Variants in FILIP1L observed in about 807,000 individuals in gnomAD.
FILIP1L encodes the protein filamin A-interacting protein 1-like.
FILIP1L carries 55 observed loss-of-function variants against 96.6 expected under a neutral mutation model. That is an observed-to-expected ratio of 0.57 (90% CI 0.46 to 0.71). The LOEUF (loss-of-function observed/expected upper bound fraction) is 0.71, where lower values mean the gene tolerates loss of function less well. Ranked by LOEUF, FILIP1L falls within the 30% of genes least tolerant of loss-of-function variation. FILIP1L has a pLI of 0.00. For missense variants in FILIP1L, 1,304 were observed against 1,321.2 expected, an observed-to-expected ratio of 0.99 and a Z score of 0.20; for synonymous variants, 467 against 473.9, an observed-to-expected ratio of 0.99 and a Z score of 0.19.
Position 99,849,168 on chromosome 3 carries a change from C to G in FILIP1L, c.2508G>C (p.Glu836Asp). ...QLYEESENQD[E>D]DPNDEGSVLS... ...GCACAGATCCCTCATCATTAGGGTCCTCGTCTTGATTCTCACTCTCCTCAT... is the reference window on the plus strand; with the variant it reads ...GCACAGATCCCTCATCATTAGGGTCGTCGTCTTGATTCTCACTCTCCTCAT... Residue 836 changes from glutamate (E) to aspartate (D), a missense_variant, in exon 5 of 6, where the codon GAG becomes GAC. By Grantham distance (45) the Glu-to-Asp change is conservative (BLOSUM62 2). Transcript: ENST00000477258. The G allele has an allele frequency of 1.2e-6, 2 of 1,614,118 alleles. No homozygotes were observed. Among genetic ancestry groups the G allele is most frequent in the Non-Finnish European group, 8.5e-7 (1 of 1,180,002 alleles).
At chr3:99,852,188 A>G (rs1484642521) in intron 4 of FILIP1L, among the ~76,000 whole-genome samples, 1 of 152,216 alleles carries the variant, frequency 6.6e-6, no homozygotes, top group Non-Finnish European at 1.5e-5. Context: ...GGCTGATTAT[A>G]GAGGATGTAA....
In FILIP1L at chr3:99,829,218, C is replaced by T. The variant is rs1322551390; in HGVS notation, c.*1196G>A. Among the ~76,000 whole-genome samples, 1 of 118,572 alleles carries T rather than the reference C, an allele frequency of 8.4e-6. No homozygotes were observed. The highest frequency in any genetic ancestry group is 2.9e-5 in the African/African-American group (1 of 34,742). 77.8% of individuals were successfully genotyped at this position (118,572 alleles called of 152,430 possible). A position where few individuals can be genotyped will look rare whatever the true frequency, so the allele number is the denominator to read the frequency against. ...AAGGATCACAAAAAATGTTTAGTGT[C>T]GTTCCATTGATTTTTTTCCCCCCTC... On this transcript the variant is annotated 3_prime_UTR_variant, in exon 6 of 6. Coordinates refer to ENST00000477258, the MANE Select transcript of FILIP1L (RefSeq NM_001387850.1).
chr3:99,902,182 C>T (rs942737896), intron 4 of FILIP1L, among the ~76,000 whole-genome samples: 1 of 152,150 alleles, frequency 6.6e-6, no homozygotes, highest in African/African-American at 2.4e-5. Flanking sequence ...GTGTAACTGA[C>T]TCTTAGTATT....
chr3:100,033,335 G>T (rs559836018), intron 1 of FILIP1L, among the ~76,000 whole-genome samples: 1 of 152,024 alleles, frequency 6.6e-6, no homozygotes, highest in African/African-American at 2.4e-5. Flanking sequence ...CACCTCTATC[G>T]AGTGGCAGCC....
At chr3:99,986,697 A>G (rs1709351667) in intron 1 of FILIP1L, among the ~76,000 whole-genome samples, 1 of 152,198 alleles carries the variant, frequency 6.6e-6, no homozygotes, top group Admixed American at 6.5e-5. Context: ...GAAGGAGGAG[A>G]ATGGTTCTTC....
chr3:99,988,658 T>G (rs1468549406), intron 1 of FILIP1L, among the ~76,000 whole-genome samples: 1 of 152,212 alleles, frequency 6.6e-6, no homozygotes, highest in Non-Finnish European at 1.5e-5. Context: ...TGATTCTGAC[T>G]GGTAGTTAGA....
Position 100,078,555 on chromosome 3 carries a change from G to A in FILIP1L, c.-11+35498C>T, listed in dbSNP as rs1028379196. On this transcript the variant is annotated intron_variant, in intron 1 of 5. Transcript: ENST00000477258. Reference sequence around the variant, plus strand: ...TTGCAAGAATTGTCTTGGGCCACACGTAAAATACACCAACACTAGCGATAG... The same window carrying A: ...TTGCAAGAATTGTCTTGGGCCACACATAAAATACACCAACACTAGCGATAG... Among the ~76,000 whole-genome samples the A allele has an allele frequency of 4.0e-5, 6 of 151,888 alleles. No homozygotes were observed. In the South Asian group the frequency reaches 6.2e-4, roughly 16 times the overall value.
At position 99,848,521 on chromosome 3, in the gene FILIP1L, G is replaced by C. The variant is rs1471935647; in HGVS notation, c.3155C>G (p.Ser1052Ter). 4.3e-6 allele frequency: 7 copies of C among 1,614,180 alleles called. No homozygotes were observed. Among genetic ancestry groups the C allele is most frequent in the Non-Finnish European group, 5.9e-6 (7 of 1,180,032 alleles). Reference protein sequence around the residue: ...WQFQRSNSNSSSVITTEDNKI... With the variant: ...WQFQRSNSNS ...ATTATCCTCAGTAGTTATCACACTT[G>C]AGCTATTGCTGTTTGAACGCTGAAA... The change falls in exon 5 of 6, where the codon TCA becomes TGA. Residue 1052 changes from serine to a stop codon, truncating the protein, a stop_gained. Transcript: ENST00000477258. LOFTEE classifies it high-confidence loss of function.
Position 100,062,093 on chromosome 3 carries a change from C to CTTTTTTTTTTTTTTTTTTTT in FILIP1L, c.-11+51940_-11+51959dup, listed in dbSNP as rs71907944. Among the ~76,000 whole-genome samples the CTTTTTTTTTTTTTTTTTTTT allele has an allele frequency of 1.3e-3, 71 of 53,178 alleles. 15 individuals carry two copies. The highest frequency in any genetic ancestry group is 1.9e-3 in the Non-Finnish European group (56 of 29,472). 34.9% of individuals were successfully genotyped at this position (53,178 alleles called of 152,430 possible). Reference sequence around the variant, plus strand: ...CCACTTGTGGTTATCCTGTCTTCTTCTTTTTTTTTTTTTTTTTTTTTTTTT... The same window carrying CTTTTTTTTTTTTTTTTTTTT: ...CCACTTGTGGTTATCCTGTCTTCTTCTTTTTTTTTTTTTTTTTTTTTTTTTTTTTTTTTTTTTTTTTTTTT... On this transcript the variant is annotated intron_variant, in intron 1 of 5. Coordinates refer to ENST00000477258, the MANE Select transcript of FILIP1L (RefSeq NM_001387850.1).
intron 1 of FILIP1L, among the ~76,000 whole-genome samples, chr3:99,993,371 T>G (rs946512251): frequency 6.6e-6 from 1 of 152,038 alleles, no homozygotes; most frequent in African/African-American, 2.4e-5. Context: ...ATCTAAGAGT[T>G]TTTTGGTGGA....
intron 1 of FILIP1L, among the ~76,000 whole-genome samples, chr3:100,079,176 A>C (rs1381135978): frequency 2.0e-5 from 3 of 152,186 alleles, no homozygotes; most frequent in Admixed American, 2.0e-4. Flanking sequence ...CAGCATGGTG[A>C]CTGGCTTACG....
At chr3:99,888,818 T>A (rs1008203538) in intron 4 of FILIP1L, among the ~76,000 whole-genome samples, 1 of 152,212 alleles carries the variant, frequency 6.6e-6, no homozygotes. Flanking sequence ...AAAAAATAAC[T>A]CTGCTAAGAA....
intron 1 of FILIP1L, among the ~76,000 whole-genome samples, chr3:99,934,503 A>G (rs576798488): frequency 2.0e-5 from 3 of 152,304 alleles, no homozygotes; most frequent in African/African-American, 4.8e-5. Flanking sequence ...ACAATAGTCT[A>G]CTGATAAGAA....
intron 1 of FILIP1L, among the ~76,000 whole-genome samples, chr3:100,052,678 T>A (rs190069235): frequency 9.1e-4 from 139 of 152,340 alleles, no homozygotes; most frequent in African/African-American, 3.2e-3. Context: ...TGTTTCTTTC[T>A]ATAACCACAT....
intron 4 of FILIP1L, among the ~76,000 whole-genome samples, chr3:99,880,230 C>T (rs944544089): frequency 2.0e-5 from 3 of 151,290 alleles, no homozygotes; most frequent in Non-Finnish European, 3.0e-5. Flanking sequence ...TTTCTTCACT[C>T]TTCTTTCACT....
At chr3:100,068,347 CCT>C (rs1242688767) in intron 1 of FILIP1L, among the ~76,000 whole-genome samples, 1 of 98,628 alleles carries the variant, frequency 1.0e-5, no homozygotes, top group Non-Finnish European at 2.2e-5. Flanking sequence ...GATGAAAGAG[CCT>C]CTGTGTGTGT....
chr3:100,087,298 ATT>A (rs1559752965), intron 1 of FILIP1L, among the ~76,000 whole-genome samples: 1 of 152,190 alleles, frequency 6.6e-6, no homozygotes, highest in Non-Finnish European at 1.5e-5. Context: ...TGATTGTACT[ATT>A]TTGTGTTCCC....
intron 1 of FILIP1L, among the ~76,000 whole-genome samples, chr3:100,001,749 C>A (rs1389101077): frequency 3.3e-5 from 5 of 152,264 alleles, no homozygotes; most frequent in Non-Finnish European, 5.9e-5. Flanking sequence ...AGGTTGGATC[C>A]TTTGAATTTA....
intron 1 of FILIP1L, among the ~76,000 whole-genome samples, chr3:99,960,060 G>A (rs1213667254): frequency 1.3e-5 from 2 of 152,056 alleles, no homozygotes; most frequent in African/African-American, 2.4e-5. Context: ...AGTGTGTATA[G>A]CATTATGCCT....
Sources: gnomAD v4.1 joint callset for allele counts (sites outside exome capture counted in the v4.1 genomes callset) on GRCh38, gnomAD v4.1.1 for gene constraint, MANE v1.5 for transcripts, NCBI Gene and HGNC (gene_info 2026-07-23, HGNC 2026-07-21) for gene names.